The following NPY2R variants were observed in gnomAD, a reference collection of about 807,000 sequenced individuals.
The protein encoded by NPY2R is neuropeptide Y receptor type 2.
Under a neutral mutation model 22.3 loss-of-function variants are expected in NPY2R, and 17 were observed. The observed-to-expected ratio is 0.76, with a 90% CI of 0.52 to 1.14. The LOEUF (loss-of-function observed/expected upper bound fraction) is 1.14. NPY2R is among the 50% of genes most tolerant of loss of function. The pLI is 0.00. For synonymous variants in NPY2R, 209 were observed against 183.4 expected, an observed-to-expected ratio of 1.14 and a Z score of -1.13; for missense variants, 424 against 467.9, an observed-to-expected ratio of 0.91 and a Z score of 0.87.
Position 155,214,794 on chromosome 4 carries a change from T to G in NPY2R, c.855T>G (p.His285Gln). 1 of 1,613,436 alleles carries G rather than the reference T, an allele frequency of 6.2e-7. No homozygotes were observed. Among genetic ancestry groups the G allele is most frequent in the Non-Finnish European group, 8.5e-7 (1 of 1,179,464 alleles). Residue 285 changes from histidine (H) to glutamine (Q), a missense_variant, in exon 2 of 2, where the codon CAT (histidine) becomes CAG (glutamine). His to Gln is a conservative substitution (Grantham distance 24). Transcript: ENST00000329476. ...TTGCGGTCAGCTGGCTGCCTCTCCA[T>G]GCCTTCCAGCTTGCCGTTGACATTG... ...VVFAVSWLPL[H>Q]AFQLAVDIDS...
At chr4:155,203,387 G>A in the NPY2R span, among the ~76,000 whole-genome samples, 57 of 152,170 alleles carry the variant, frequency 3.7e-4, no homozygotes, top group African/African-American at 1.3e-3. Context: ...TGGACTACTC[G>A]CTACAAATGA....
At chr4:155,187,970 G>A in the NPY2R span, among the ~76,000 whole-genome samples, 1 of 152,092 alleles carries the variant, frequency 6.6e-6, no homozygotes, top group Non-Finnish European at 1.5e-5. Context: ...TGTCAACAGT[G>A]AGCAGAATGA....
the NPY2R span, among the ~76,000 whole-genome samples, chr4:155,180,619 GA>G: frequency 3.3e-5 from 5 of 151,820 alleles, no homozygotes; most frequent in Non-Finnish European, 5.9e-5. Context: ...ATATTCCAGG[GA>G]AAAATTGAGG....
chr4:155,195,451 C>T, the NPY2R span, among the ~76,000 whole-genome samples: 2 of 151,892 alleles, frequency 1.3e-5, no homozygotes, highest in African/African-American at 4.8e-5. Context: ...ACAGGAACAC[C>T]AGACAATTTT....
the NPY2R span, among the ~76,000 whole-genome samples, chr4:155,195,602 A>G: frequency 6.6e-6 from 1 of 151,880 alleles, no homozygotes; most frequent in Non-Finnish European, 1.5e-5. Context: ...ATTTTATTCC[A>G]TCTATTAATA....
At chr4:155,206,377 A>T (rs541550618), upstream of NPY2R, among the ~76,000 whole-genome samples, 1 of 152,330 alleles carries the variant, frequency 6.6e-6, no homozygotes, top group East Asian at 1.9e-4. Context: ...CATTCATCAG[A>T]GTGGTTCATT....
rs1729459612 is a variant in NPY2R, at chr4:155,214,094, T to C, written c.155T>C (p.Val52Ala). The C allele has an allele frequency of 6.2e-7, 1 of 1,613,956 alleles. No homozygotes were observed. Among genetic ancestry groups the C allele is most frequent in the African/African-American group, 1.3e-5 (1 of 75,006 alleles). Residue 52 changes from valine (V) to alanine (A), a missense_variant, in exon 2 of 2, where the codon GTT (valine) becomes GCT (alanine). Transcript: ENST00000329476. Reference protein sequence around the residue: ...DSTKLIEVQVVLILAYCSIIL... With the variant: ...DSTKLIEVQVALILAYCSIIL... ...ACCAAGCTGATTGAGGTACAAGTTG[T>C]TCTCATATTGGCCTACTGCTCCATC...
chr4:155,178,433 C>T, the NPY2R span, among the ~76,000 whole-genome samples: 13 of 152,052 alleles, frequency 8.5e-5, no homozygotes, highest in African/African-American at 2.9e-4. Context: ...ACTAGCTTGA[C>T]GTATGTTTCA....
the NPY2R span, among the ~76,000 whole-genome samples, chr4:155,193,247 C>T: frequency 1.3e-5 from 2 of 151,896 alleles, no homozygotes; most frequent in Non-Finnish European, 2.9e-5. Flanking sequence ...ACCATTACCC[C>T]TCTTTCACAG....
the NPY2R span, among the ~76,000 whole-genome samples, chr4:155,189,165 A>C: frequency 6.6e-6 from 1 of 152,036 alleles, no homozygotes; most frequent in Non-Finnish European, 1.5e-5. Flanking sequence ...CTCAGAAATG[A>C]CCACACTTTT....
In NPY2R at chr4:155,214,156, C is replaced by A; in HGVS notation, c.217C>A (p.His73Asn). 1 of 1,613,338 alleles carries A rather than the reference C, an allele frequency of 6.2e-7. No homozygotes were observed. The highest frequency in any genetic ancestry group is 8.5e-7 in the Non-Finnish European group (1 of 1,179,288). The part of the protein sequence containing the change: ...LGVIGNSLVI[H>N]VVIKFKSMRT... Reference sequence around the variant, plus strand: ...GGTAATTGGCAACTCCTTGGTGATCCATGTGGTGATCAAATTCAAGAGCAT... The same window carrying A: ...GGTAATTGGCAACTCCTTGGTGATCAATGTGGTGATCAAATTCAAGAGCAT... The change falls in exon 2 of 2, where the codon CAT becomes AAT. Residue 73 changes from histidine to asparagine, a missense_variant. Transcript: ENST00000329476.
chr4:155,209,929 T>G (rs1729367935), intron 1 of NPY2R, among the ~76,000 whole-genome samples: 1 of 152,166 alleles, frequency 6.6e-6, no homozygotes, highest in Non-Finnish European at 1.5e-5. Context: ...TGAGGTTATT[T>G]GAATCTCGGG....
At chr4:155,201,014 G>A in the NPY2R span, among the ~76,000 whole-genome samples, 3 of 151,032 alleles carry the variant, frequency 2.0e-5, no homozygotes, top group Non-Finnish European at 4.4e-5. Context: ...GGAACTTAAA[G>A]TAAAATAAAA....
chr4:155,191,754 C>T, the NPY2R span, among the ~76,000 whole-genome samples: 1 of 151,826 alleles, frequency 6.6e-6, no homozygotes, highest in East Asian at 1.9e-4. Flanking sequence ...GGCTTGTGGA[C>T]TTTCTAGTGT....
the NPY2R span, among the ~76,000 whole-genome samples, chr4:155,201,550 C>T: frequency 2.6e-5 from 4 of 152,070 alleles, no homozygotes; most frequent in Admixed American, 6.6e-5. Context: ...CATAAAATAA[C>T]TGTTTTAAGC....
At chr4:155,179,795 T>C in the NPY2R span, among the ~76,000 whole-genome samples, 1 of 152,174 alleles carries the variant, frequency 6.6e-6, no homozygotes, top group African/African-American at 2.4e-5. Context: ...CCACAAATTC[T>C]AGATTGCTTG....
the NPY2R span, among the ~76,000 whole-genome samples, chr4:155,178,366 A>T: frequency 1.0e-3 from 123 of 122,666 alleles, 1 homozygote; most frequent in Non-Finnish European, 1.7e-3. Context: ...ATCTTTGCTC[A>T]AGATAATTTT....
chr4:155,207,478 G>C (rs1254440064), upstream of NPY2R: 1 of 152,208 alleles, frequency 6.6e-6, no homozygotes, highest in South Asian at 2.1e-4. Context: ...TAAAGACTTA[G>C]GTTACCAGTA....
chr4:155,207,238 A>G (rs1013175515), upstream of NPY2R: 99 of 152,224 alleles, frequency 6.5e-4, no homozygotes, highest in African/African-American at 2.1e-3. Context: ...TGAAAATCCA[A>G]TCCATTTGAG....
Sources: gnomAD v4.1 joint callset for allele counts (sites outside exome capture counted in the v4.1 genomes callset) on GRCh38, gnomAD v4.1.1 for gene constraint, MANE v1.5 for transcripts, NCBI Gene and HGNC (gene_info 2026-07-23, HGNC 2026-07-21) for gene names.